MPDZ: variants seen among roughly 807,000 people sequenced by gnomAD.
MPDZ encodes the protein multiple PDZ domain protein.
MPDZ carries 234 observed loss-of-function variants against 239.1 expected under a neutral mutation model. That is an observed-to-expected ratio of 0.98 (90% CI 0.88 to 1.09). MPDZ has a LOEUF of 1.09. Among genes scored for constraint, MPDZ ranks in the 50% least tolerant of loss-of-function variants. The pLI is 0.00. For missense variants in MPDZ, 3,175 were observed against 2,510.0 expected (o/e 1.26, Z -5.66); for synonymous variants, 1,048 against 881.3 (o/e 1.19, Z -3.35).
In MPDZ at chr9:13,139,977, C is replaced by A; in HGVS notation, c.4003+10G>T. ...CTTACAATTAAATGCATCACAAAAA[C>A]ACAACTTACTCCAGCTGTAACCAAA... On this transcript the variant is annotated intron_variant, in intron 28 of 46. Coordinates refer to ENST00000319217, the MANE Select transcript of MPDZ (RefSeq NM_001378778.1). The A allele has an allele frequency of 6.2e-7, 1 of 1,613,336 alleles. No individual in the cohort carries two copies.
At chr9:13,166,209 T>G in intron 22 of MPDZ, among the ~76,000 whole-genome samples, 1 of 152,116 alleles carries the variant, frequency 6.6e-6, no homozygotes, top group Non-Finnish European at 1.5e-5. Flanking sequence ...TATGGTTCTA[T>G]TCAGAGTAAT....
At chr9:13,273,403 T>C (rs1223925776) in intron 1 of MPDZ, among the ~76,000 whole-genome samples, 2 of 152,202 alleles carry the variant, frequency 1.3e-5, no homozygotes, top group Non-Finnish European at 2.9e-5. Flanking sequence ...CTCATGACCA[T>C]TTTCTATGAC....
intron 1 of MPDZ, among the ~76,000 whole-genome samples, chr9:13,264,689 A>T (rs1010056175): frequency 3.3e-5 from 5 of 151,706 alleles, no homozygotes; most frequent in African/African-American, 1.2e-4. Context: ...CAAAATACAC[A>T]TTAGGGAACT....
intron 3 of MPDZ, among the ~76,000 whole-genome samples, chr9:13,244,455 G>T (rs1966126802): frequency 6.6e-6 from 1 of 152,024 alleles, no homozygotes; most frequent in Middle Eastern, 3.2e-3. Context: ...ACTTAAACAG[G>T]AATCATGCAA....
At chr9:13,216,689 T>C in intron 10 of MPDZ, 85 bp downstream of exon 10, 1 of 980,724 alleles carries the variant, frequency 1.0e-6, no homozygotes, top group Non-Finnish European at 1.5e-6. Flanking sequence ...CAGAGTTAAC[T>C]CTAGCTCTCA....
chr9:13,263,710 C>T (rs1971201652), intron 1 of MPDZ, among the ~76,000 whole-genome samples: 2 of 152,154 alleles, frequency 1.3e-5, no homozygotes. Flanking sequence ...AACTTCTCAT[C>T]AGAGAGCAGG....
intron 19 of MPDZ, among the ~76,000 whole-genome samples, chr9:13,176,730 G>T (rs762282688): frequency 1.3e-5 from 2 of 152,044 alleles, no homozygotes; most frequent in African/African-American, 2.4e-5. Context: ...AAATTATTCA[G>T]AGTTCAAATT....
At position 13,136,243 on chromosome 9, in the gene MPDZ, T is replaced by G. The variant is rs1946724691; in HGVS notation, c.4293-61A>C. On this transcript the variant is annotated intron_variant, in intron 30 of 46. Transcript: ENST00000319217. ...ATGGTATTATTTTCATTCTCTTACT[T>G]CAAGAGTCAGAAGGTTATTAGAGAA... 14 of 1,147,300 alleles carry G rather than the reference T, an allele frequency of 1.2e-5. No individual in the cohort carries two copies. The South Asian group carries it at 2.0e-4, about 16-fold the overall frequency. The allele number at this position is 1,147,300 out of a possible 1,614,324, so 71.1% of individuals were successfully genotyped here.
intron 21 of MPDZ, among the ~76,000 whole-genome samples, chr9:13,172,405 G>A (rs1000002558): frequency 1.8e-4 from 25 of 140,636 alleles, no homozygotes; most frequent in African/African-American, 6.2e-4. Context: ...TTTTTGAGAC[G>A]AAGTTTTGCT....
chr9:13,264,356 A>G (rs889120457), intron 1 of MPDZ, among the ~76,000 whole-genome samples: 1 of 152,190 alleles, frequency 6.6e-6, no homozygotes. Flanking sequence ...AGAATTATAT[A>G]TATTTTATGA....
At chr9:13,246,178 T>C (rs1167508557) in intron 3 of MPDZ, among the ~76,000 whole-genome samples, 2 of 152,190 alleles carry the variant, frequency 1.3e-5, no homozygotes, top group Non-Finnish European at 2.9e-5. Context: ...CCAGGCGCGA[T>C]GGCTCACTCC....
Position 13,106,835 on chromosome 9 carries a change from T to TCA in MPDZ, c.*129_*130insTG. On this transcript the variant is annotated 3_prime_UTR_variant, in exon 47 of 47. Transcript: ENST00000319217. Reference sequence around the variant, plus strand: ...CATTTCTAGATGAGAAAAAGAAACTTAAGTGTTATTTCCCCCCTACAGTTT... The same window carrying TCA: ...CATTTCTAGATGAGAAAAAGAAACTTCAAAGTGTTATTTCCCCCCTACAGTTT... 1.0e-6 allele frequency: 1 copy of TCA among 962,122 alleles called. No individual in the cohort carries two copies. The highest frequency in any genetic ancestry group is 1.5e-6 in the Non-Finnish European group (1 of 664,342). 59.6% of individuals were successfully genotyped at this position (962,122 alleles called of 1,614,324 possible). A position where few individuals can be genotyped will look rare whatever the true frequency, so the allele number is the denominator to read the frequency against.
At chr9:13,150,907 T>C (rs1298636886) in intron 24 of MPDZ, among the ~76,000 whole-genome samples, 1 of 152,006 alleles carries the variant, frequency 6.6e-6, no homozygotes, top group Non-Finnish European at 1.5e-5. Context: ...AAAAAGTATC[T>C]GCTAATAACA....
intron 3 of MPDZ, among the ~76,000 whole-genome samples, chr9:13,226,280 T>C (rs1415147773): frequency 1.3e-5 from 2 of 152,146 alleles, no homozygotes; most frequent in African/African-American, 4.8e-5. Flanking sequence ...TGTGTGCCTT[T>C]TAAAAGAGTT....
At chr9:13,193,764 C>T (rs180992844) in intron 13 of MPDZ, among the ~76,000 whole-genome samples, 1 of 152,210 alleles carries the variant, frequency 6.6e-6, no homozygotes, top group East Asian at 1.9e-4. Flanking sequence ...GAATGAACTT[C>T]CAATTTTCTA....
chr9:13,154,522 T>G (rs1406968126), intron 24 of MPDZ, among the ~76,000 whole-genome samples: 1 of 152,204 alleles, frequency 6.6e-6, no homozygotes, highest in Non-Finnish European at 1.5e-5. Context: ...TCTGTCTTAC[T>G]TTCCTCAGCT....
Position 13,199,386 on chromosome 9 carries a change from T to C in MPDZ, c.1547-3156A>G, listed in dbSNP as rs550632047. Reference sequence around the variant, plus strand: ...CAACTTTACTAAATTCATGTATCAGTTCTAACCATTTTTGGTGAACTCCTT... The same window carrying C: ...CAACTTTACTAAATTCATGTATCAGCTCTAACCATTTTTGGTGAACTCCTT... On this transcript the variant is annotated intron_variant, in intron 12 of 46. Coordinates refer to ENST00000319217, the MANE Select transcript of MPDZ (RefSeq NM_001378778.1). Among the ~76,000 whole-genome samples, 3 of 152,196 alleles carry C rather than the reference T, an allele frequency of 2.0e-5. No individual in the cohort carries two copies. The East Asian group carries it at 5.8e-4, about 29-fold the overall frequency.
intron 40 of MPDZ, among the ~76,000 whole-genome samples, chr9:13,114,769 G>A (rs916105459): frequency 7.2e-5 from 11 of 152,026 alleles, no homozygotes; most frequent in East Asian, 1.9e-4. Flanking sequence ...GCATGGTGGT[G>A]CACGCCTGTA....
chr9:13,112,029 GT>G lies in MPDZ; in HGVS notation c.5718del (p.Lys1906AsnfsTer19). On this transcript the variant is annotated frameshift_variant, in exon 43 of 47. Transcript: ENST00000319217. LOFTEE classifies it high-confidence loss of function. ...GGGTTGATAGTACGACTCACTCTGA[GT>G]TTTTGGGTCTGTGCTGCAACTCCAG... ...HPTGVAAQTQ[K>X]LRVGDRIVTI... The G allele has an allele frequency of 1.2e-6, 2 of 1,613,424 alleles. No homozygotes were observed. Among genetic ancestry groups the G allele is most frequent in the Middle Eastern group, 1.7e-4 (1 of 6,060 alleles).
Sources: gnomAD v4.1 joint callset for allele counts (sites outside exome capture counted in the v4.1 genomes callset) on GRCh38, gnomAD v4.1.1 for gene constraint, MANE v1.5 for transcripts, NCBI Gene and HGNC (gene_info 2026-07-23, HGNC 2026-07-21) for gene names.